TP63: variants seen among roughly 807,000 people sequenced by gnomAD.
TP63 encodes the protein tumor protein 63.
A neutral mutation model predicts 82.8 loss-of-function variants in TP63; 17 were observed. That is an observed-to-expected ratio of 0.21 (90% CI 0.14 to 0.31). The LOEUF is 0.31. TP63 is among the 10% of genes least tolerant of loss of function. TP63 has a pLI of 1.00. For missense variants in TP63, 648 were observed against 895.3 expected (o/e 0.72, Z 3.52); for synonymous variants, 330 against 321.7 (o/e 1.03, Z -0.28).
At chr3:189,631,630 G>A (rs1349589524) in intron 1 of TP63, 53 bp downstream of exon 1, 1 of 1,611,150 alleles carries the variant, frequency 6.2e-7, no homozygotes, top group East Asian at 2.2e-5. Context: ...AGTGCCTTGT[G>A]TATTATGAAT....
At chr3:189,684,699 C>T (rs1250657570) in intron 1 of TP63, among the ~76,000 whole-genome samples, 2 of 148,234 alleles carry the variant, frequency 1.3e-5, no homozygotes, top group Non-Finnish European at 3.0e-5. Flanking sequence ...GGTGCAATCT[C>T]GGCTCACTGC....
chr3:189,889,437 C>G lies in TP63; in HGVS notation c.1605C>G (p.Ser535=), dbSNP rs746653577. 17 of 1,614,036 alleles carry G rather than the reference C, an allele frequency of 1.1e-5. No individual in the cohort carries two copies. The highest frequency in any genetic ancestry group is 1.4e-5 in the Non-Finnish European group (17 of 1,180,026). Residue 535 remains serine, a synonymous_variant, in exon 12 of 14, where the codon TCC becomes TCG. Transcript: ENST00000264731. ...LPPPLSMPST[S]HCTPPPPYPT... is the part of the protein sequence containing the mutation. ...CCCCACTCTCCATGCCATCCACCTC[C>G]CACTGCACACCCCCACCTCCGTATC...
At chr3:189,886,261 A>C in intron 10 of TP63, 133 bp from the exon 11 acceptor site, 1 of 1,028,640 alleles carries the variant, frequency 9.7e-7, no homozygotes, top group South Asian at 1.4e-5. Flanking sequence ...TTAACTTCTT[A>C]CCATTAATCC....
intron 1 of TP63, among the ~76,000 whole-genome samples, chr3:189,674,268 A>AGTGG (rs1715193898): frequency 1.3e-5 from 2 of 151,806 alleles, no homozygotes; most frequent in African/African-American, 4.8e-5. Flanking sequence ...ATTGGGACCT[A>AGTGG]TTCAATCCTG....
At chr3:189,740,926 C>T (rs560584256) in intron 3 of TP63, among the ~76,000 whole-genome samples, 1 of 152,284 alleles carries the variant, frequency 6.6e-6, no homozygotes, top group South Asian at 2.1e-4. Flanking sequence ...CCCTTAATGC[C>T]TAGTAATTAC....
intron 3 of TP63, among the ~76,000 whole-genome samples, chr3:189,773,120 C>T (rs760417725): frequency 1.1e-4 from 17 of 152,170 alleles, no homozygotes; most frequent in Non-Finnish European, 2.2e-4. Context: ...GTGAAGCAAT[C>T]GCTCTAAAAG....
rs540450180 is a variant in TP63 at position 189,721,318 on chromosome 3, G to A, written c.63-16422G>A. On this transcript the variant is annotated intron_variant, in intron 1 of 13. Coordinates refer to ENST00000264731, the MANE Select transcript of TP63 (RefSeq NM_003722.5). ...CTTCCAATAATAGAATAATAAAGTA[G>A]GAAGGATGCTTAGTGATTTTCTAGT... Among the ~76,000 whole-genome samples, 6 of 152,228 alleles carry A rather than the reference G, an allele frequency of 3.9e-5. No individual in the cohort carries two copies. The East Asian group carries it at 1.2e-3, about 29-fold the overall frequency.
At chr3:189,845,713 T>G (rs569284636) in intron 4 of TP63, among the ~76,000 whole-genome samples, 1 of 148,776 alleles carries the variant, frequency 6.7e-6, no homozygotes, top group East Asian at 2.0e-4. Context: ...AGGGCTTTGA[T>G]GCTACTCTAT....
At chr3:189,778,511 A>G (rs1723991865) in intron 3 of TP63, among the ~76,000 whole-genome samples, 1 of 152,208 alleles carries the variant, frequency 6.6e-6, no homozygotes, top group South Asian at 2.1e-4. Context: ...CTAGAGTCAT[A>G]ATGGAATCGA....
chr3:189,884,175 T>A (rs574723104), intron 10 of TP63, among the ~76,000 whole-genome samples: 1 of 152,256 alleles, frequency 6.6e-6, no homozygotes, highest in African/African-American at 2.4e-5. Flanking sequence ...TGGCAGAGAA[T>A]CTCCTTACTG....
At chr3:189,705,857 G>A (rs934322285) in intron 1 of TP63, among the ~76,000 whole-genome samples, 1 of 152,148 alleles carries the variant, frequency 6.6e-6, no homozygotes, top group Non-Finnish European at 1.5e-5. Context: ...TATTATATGA[G>A]GGAGAAAGTA....
At chr3:189,789,812 G>A in intron 3 of TP63, 1 of 1,595,318 alleles carries the variant, frequency 6.3e-7, no homozygotes, top group Non-Finnish European at 8.5e-7. Context: ...TGTTGTACCT[G>A]GAAAACAATG....
At chr3:189,880,912 A>C in intron 10 of TP63, 1 of 985,416 alleles carries the variant, frequency 1.0e-6, no homozygotes. Flanking sequence ...CTTGTACATG[A>C]AACCCTGGAA....
At chr3:189,622,752 C>T in the TP63 span, among the ~76,000 whole-genome samples, 1 of 152,170 alleles carries the variant, frequency 6.6e-6, no homozygotes, top group Non-Finnish European at 1.5e-5. Flanking sequence ...ATGGTTATTT[C>T]ATCGTGTGAT....
At chr3:189,678,593 C>A (rs1248067450) in intron 1 of TP63, among the ~76,000 whole-genome samples, 2 of 151,704 alleles carry the variant, frequency 1.3e-5, no homozygotes, top group Non-Finnish European at 2.9e-5. Context: ...ATATAAATTT[C>A]GGGTTTGTTT....
chr3:189,895,828 T>C lies in TP63; in HGVS notation c.*1326T>C, dbSNP rs1721424649. The C allele has an allele frequency of 4.4e-6, 1 of 225,850 alleles. No homozygotes were observed. The highest frequency in any genetic ancestry group is 5.7e-5 in the Admixed American group (1 of 17,550). 14.0% of individuals were successfully genotyped at this position (225,850 alleles called of 1,614,324 possible). On this transcript the variant is annotated 3_prime_UTR_variant, in exon 14 of 14. Transcript: ENST00000264731. Reference sequence around the variant, plus strand: ...ATTTGAAAAATATAAAATTATGAGATTGGTTTTCCTGTGGCATAAATTGCA... The same window carrying C: ...ATTTGAAAAATATAAAATTATGAGACTGGTTTTCCTGTGGCATAAATTGCA...
chr3:189,631,655 C>G, intron 1 of TP63, 78 bp downstream of exon 1: 1 of 1,607,982 alleles, frequency 6.2e-7, no homozygotes, highest in Non-Finnish European at 8.5e-7. Context: ...CAGCTGTGTA[C>G]AAAGAACAAT....
At chr3:189,783,133 AAATT>A (rs1395608816) in intron 3 of TP63, among the ~76,000 whole-genome samples, 5 of 152,018 alleles carry the variant, frequency 3.3e-5, no homozygotes, top group African/African-American at 9.7e-5. Context: ...GGAAATAGCT[AAATT>A]AATTCAATAA....
intron 3 of TP63, among the ~76,000 whole-genome samples, chr3:189,757,055 A>C (rs1577358222): frequency 6.6e-6 from 1 of 152,348 alleles, no homozygotes; most frequent in Middle Eastern, 3.4e-3. Flanking sequence ...ATATGCATAC[A>C]TACATATATA....
Sources: allele counts gnomAD v4.1 joint callset (sites outside exome capture counted in the v4.1 genomes callset), GRCh38; gene constraint gnomAD v4.1.1; transcripts MANE v1.5; gene names NCBI Gene and HGNC (gene_info 2026-07-23, HGNC 2026-07-21).